PATJ: variants seen among roughly 807,000 people sequenced by gnomAD.
The protein encoded by PATJ is inaD-like protein.
Under a neutral mutation model 224.9 loss-of-function variants are expected in PATJ, and 190 were observed. The ratio of observed to expected loss-of-function variants is 0.84; its 90% CI spans 0.75 to 0.95. The LOEUF is 0.95. Ranked by LOEUF, PATJ falls within the 40% of genes least tolerant of loss-of-function variation. The probability of loss-of-function intolerance (pLI) is 0.00; values close to 1 mark genes in which losing one functional copy is unlikely to be tolerated. For synonymous variants in PATJ, 769 were observed against 820.3 expected (o/e 0.94, Z 1.07); for missense variants, 2,121 against 2,270.3 (o/e 0.93, Z 1.34).
At chr1:61,804,397 G>T (rs1489338126) in intron 12 of PATJ, among the ~76,000 whole-genome samples, 1 of 151,954 alleles carries the variant, frequency 6.6e-6, no homozygotes, top group African/African-American at 2.4e-5. Context: ...ACTGATTTTT[G>T]AGGTTAGCCT....
At chr1:62,148,901 T>C (rs1377544579) in intron 42 of PATJ, among the ~76,000 whole-genome samples, 5 of 151,756 alleles carry the variant, frequency 3.3e-5, no homozygotes, top group African/African-American at 1.2e-4. Flanking sequence ...CCGAGACGGG[T>C]GGATCGCCTG....
intron 13 of PATJ, among the ~76,000 whole-genome samples, chr1:61,807,162 A>G (rs1653744369): frequency 6.6e-6 from 1 of 152,106 alleles, no homozygotes; most frequent in Admixed American, 6.6e-5. Flanking sequence ...AAACAAAACA[A>G]AACAAAACAA....
intron 27 of PATJ, among the ~76,000 whole-genome samples, chr1:61,970,777 GCCACCACAC>G (rs147697116): frequency 0.019 from 2,831 of 152,236 alleles, 108 homozygotes; most frequent in African/African-American, 0.065. Context: ...ATAGGTGTGA[GCCACCACAC>G]CTGGCCACTC....
chr1:62,087,252 T>A (rs1329498740), intron 33 of PATJ, among the ~76,000 whole-genome samples: 1 of 152,018 alleles, frequency 6.6e-6, no homozygotes, highest in Non-Finnish European at 1.5e-5. Context: ...TCCAGCTGGC[T>A]CTTCTCTAAA....
At chr1:62,147,793 G>A (rs955691549) in intron 41 of PATJ, among the ~76,000 whole-genome samples, 1 of 145,458 alleles carries the variant, frequency 6.9e-6, no homozygotes. Context: ...GCGAGACTCC[G>A]ACTAAAAAAA....
intron 33 of PATJ, among the ~76,000 whole-genome samples, chr1:62,089,830 GACTC>G (rs1412873345): frequency 6.6e-6 from 1 of 152,140 alleles, no homozygotes; most frequent in Non-Finnish European, 1.5e-5. Flanking sequence ...AAAACATTGA[GACTC>G]ACTACAGAAG....
intron 18 of PATJ, among the ~76,000 whole-genome samples, chr1:61,858,165 T>C (rs2148919511): frequency 6.6e-6 from 1 of 152,194 alleles, no homozygotes; most frequent in East Asian, 1.9e-4. Flanking sequence ...CTCTGGGAGC[T>C]TTTACTCATG....
chr1:62,057,549 G>A (rs184430105), intron 31 of PATJ, among the ~76,000 whole-genome samples: 16 of 152,308 alleles, frequency 1.1e-4, no homozygotes, highest in Admixed American at 5.9e-4. Context: ...TGCAGCACTG[G>A]CAGTCCATGA....
At chr1:61,767,726 G>A (rs1423547163) in intron 4 of PATJ, among the ~76,000 whole-genome samples, 8 of 148,530 alleles carry the variant, frequency 5.4e-5, no homozygotes, top group Non-Finnish European at 8.9e-5. Flanking sequence ...GCCCAGGCTG[G>A]AGTGCAGTGG....
intron 7 of PATJ, among the ~76,000 whole-genome samples, chr1:61,782,782 A>G (rs2148452908): frequency 6.6e-6 from 1 of 152,314 alleles, no homozygotes; most frequent in East Asian, 1.9e-4. Context: ...AGTTGTGGCA[A>G]GAGTTAAACA....
At chr1:61,940,855 G>C (rs1274440990) in intron 27 of PATJ, among the ~76,000 whole-genome samples, 1 of 151,930 alleles carries the variant, frequency 6.6e-6, no homozygotes, top group Non-Finnish European at 1.5e-5. Flanking sequence ...AGATTGAATA[G>C]GACCGGTACT....
chr1:61,777,699 C>CTTTTTTTTTTTTTTTT (rs1557626569), intron 7 of PATJ, among the ~76,000 whole-genome samples: 21 of 80,076 alleles, frequency 2.6e-4, no homozygotes, highest in African/African-American at 7.4e-4. Flanking sequence ...TTCTTTCTTT[C>CTTTTTTTTTTTTTTTT]TTTCTTTTTT....
chr1:62,109,828 G>A (rs144120274), intron 34 of PATJ, among the ~76,000 whole-genome samples: 187 of 152,280 alleles, frequency 1.2e-3, no homozygotes, highest in Middle Eastern at 6.8e-3. Flanking sequence ...CTTCACAGGT[G>A]TAAGTACCCA....
At chr1:62,071,496 T>A (rs1046385978) in intron 31 of PATJ, among the ~76,000 whole-genome samples, 6 of 149,208 alleles carry the variant, frequency 4.0e-5, no homozygotes, top group African/African-American at 1.2e-4. Context: ...ATCACTTTTT[T>A]TTTTTTTTTT....
Position 62,161,254 on chromosome 1 carries a change from G to A in PATJ, c.*200G>A. 2.6e-6 allele frequency: 1 copy of A among 389,116 alleles called. No homozygotes were observed. The highest frequency in any genetic ancestry group is 4.5e-6 in the Non-Finnish European group (1 of 222,970). 24.1% of individuals were successfully genotyped at this position (389,116 alleles called of 1,614,324 possible). ...CATCTCCTAATGTTTCCCAGTTCCT[G>A]TCACCTGTTGGCGAGGTTGATTTCT... On this transcript the variant is annotated 3_prime_UTR_variant, in exon 44 of 44. Coordinates refer to ENST00000642238, the MANE Select transcript of PATJ (RefSeq NM_001350145.3).
chr1:62,059,674 A>G (rs1371630769), intron 31 of PATJ, among the ~76,000 whole-genome samples: 1 of 152,206 alleles, frequency 6.6e-6, no homozygotes, highest in Admixed American at 6.6e-5. Context: ...AAAGAAAATT[A>G]TATACATATA....
At chr1:61,761,419 G>A (rs899823083) in intron 1 of PATJ, among the ~76,000 whole-genome samples, 2 of 152,074 alleles carry the variant, frequency 1.3e-5, no homozygotes, top group Non-Finnish European at 1.5e-5. Context: ...CTAAGTTTTC[G>A]GTTGGGGCCC....
intron 22 of PATJ, among the ~76,000 whole-genome samples, chr1:61,891,479 G>T (rs1303056376): frequency 6.6e-6 from 1 of 152,164 alleles, no homozygotes; most frequent in African/African-American, 2.4e-5. Context: ...TGTGAGTTGG[G>T]AGAGAAAAGG....
chr1:62,133,944 C>G (rs890691092), intron 41 of PATJ, among the ~76,000 whole-genome samples: 12 of 151,910 alleles, frequency 7.9e-5, no homozygotes, highest in Non-Finnish European at 1.6e-4. Flanking sequence ...CAGGGTTTCA[C>G]CATGTTGGCC....
Sources: allele counts gnomAD v4.1 joint callset (sites outside exome capture counted in the v4.1 genomes callset), GRCh38; gene constraint gnomAD v4.1.1; transcripts MANE v1.5; gene names NCBI Gene and HGNC (gene_info 2026-07-23, HGNC 2026-07-21).